LAMC3: variants seen among roughly 807,000 people sequenced by gnomAD.
The protein encoded by LAMC3 is laminin subunit gamma 3.
LAMC3 carries 128 observed loss-of-function variants against 173.8 expected under a neutral mutation model. The ratio of observed to expected loss-of-function variants is 0.74; its 90% CI spans 0.64 to 0.85. LAMC3 has a LOEUF of 0.85. Among genes scored for constraint, LAMC3 ranks in the 40% least tolerant of loss-of-function variants. The probability of loss-of-function intolerance (pLI) is 0.00; values close to 1 mark genes in which losing one functional copy is unlikely to be tolerated. For synonymous variants in LAMC3, 897 were observed against 909.1 expected (o/e 0.99, Z 0.24); for missense variants, 2,022 against 2,156.0 (o/e 0.94, Z 1.23).
chr9:131,066,867 A>C, intron 13 of LAMC3, 93 bp from the exon 14 acceptor site: 2 of 1,514,602 alleles, frequency 1.3e-6, no homozygotes, highest in Non-Finnish European at 1.8e-6. Flanking sequence ...GCTCCGGGGA[A>C]GGTGGAGGGA....
chr9:131,036,474 A>G, intron 4 of LAMC3, 142 bp downstream of exon 4: 1 of 926,416 alleles, frequency 1.1e-6, no homozygotes, highest in African/African-American at 1.6e-5. Context: ...TGCTGCAGAG[A>G]TAAGGACGAG....
chr9:131,032,517 TCTTG>T (rs1432228875), intron 3 of LAMC3, among the ~76,000 whole-genome samples: 82 of 149,818 alleles, frequency 5.5e-4, no homozygotes, highest in African/African-American at 2.0e-3. Flanking sequence ...GCTCTCTCTC[TCTTG>T]CTCTCTCTCG....
rs577578086 is a variant in LAMC3 at position 131,051,928 on chromosome 9, C to T, written c.1631-563C>T. ...TGAAATGACATGAGTCAGAAGGTAC[C>T]GCACAGCGCTTGGTGGTTCGTGTCT... On this transcript the variant is annotated intron_variant, in intron 9 of 27. Coordinates refer to ENST00000361069, the MANE Select transcript of LAMC3 (RefSeq NM_006059.4). Among the ~76,000 whole-genome samples, 1,007 of 152,244 alleles carry T rather than the reference C, an allele frequency of 6.6e-3. 10 individuals carry two copies. Among genetic ancestry groups the T allele is most frequent in the Non-Finnish European group, 8.0e-3 (544 of 68,016 alleles).
chr9:131,065,113 G>A (rs1245814584), intron 13 of LAMC3, among the ~76,000 whole-genome samples: 1 of 152,012 alleles, frequency 6.6e-6, no homozygotes, highest in African/African-American at 2.4e-5. Context: ...CACCTCCAGG[G>A]GACCATGGCT....
intron 1 of LAMC3, chr9:131,021,068 C>T (rs537762043): frequency 6.6e-6 from 1 of 152,302 alleles, no homozygotes; most frequent in South Asian, 2.1e-4. Flanking sequence ...CAACACTTCT[C>T]GTGTAAACTC....
chr9:131,044,504 C>T (rs558067780), intron 7 of LAMC3, among the ~76,000 whole-genome samples: 6 of 152,140 alleles, frequency 3.9e-5, no homozygotes, highest in African/African-American at 9.6e-5. Context: ...AGCGAGACTT[C>T]GTCTCAAAAA....
At chr9:131,071,204 G>A (rs1830030493) in intron 17 of LAMC3, among the ~76,000 whole-genome samples, 1 of 152,188 alleles carries the variant, frequency 6.6e-6, no homozygotes, top group African/African-American at 2.4e-5. Flanking sequence ...TCCTCGTGGG[G>A]CATCCCTCCC....
At position 131,055,600 on chromosome 9, in the gene LAMC3, AT is replaced by A. The variant is rs372515166; in HGVS notation, c.1940-1323del. 9.0e-3 allele frequency among the ~76,000 whole-genome samples: 1,335 copies of A among 148,544 alleles called. 22 individuals are homozygous for A. Among genetic ancestry groups the A allele is most frequent in the African/African-American group, 0.031 (1,248 of 40,424 alleles). On this transcript the variant is annotated intron_variant, in intron 11 of 27. Transcript: ENST00000361069. ...CCACCACGCCCGGCTAATTTTTTGT[AT>A]TTTTTAGTAGAGACGGGGTTTCACC...
intron 2 of LAMC3, among the ~76,000 whole-genome samples, chr9:131,030,683 C>T (rs1396037468): frequency 3.9e-5 from 6 of 152,244 alleles, no homozygotes; most frequent in African/African-American, 7.2e-5. Context: ...TGTCAGTAGC[C>T]GCCGCACCTC....
intron 4 of LAMC3, 40 bp from the exon 5 acceptor site, chr9:131,038,824 C>G: frequency 1.2e-6 from 2 of 1,600,482 alleles, no homozygotes; most frequent in Non-Finnish European, 1.7e-6. Context: ...CCTACCACAT[C>G]ACAGGGGACT....
chr9:131,077,104 A>G, intron 21 of LAMC3, 83 bp from the exon 22 acceptor site: 1 of 1,589,880 alleles, frequency 6.3e-7, no homozygotes, highest in Non-Finnish European at 8.6e-7. Context: ...GCCTTTGCAA[A>G]CCAGTGGCTC....
At chr9:131,076,834 G>A (rs188472735) in intron 21 of LAMC3, among the ~76,000 whole-genome samples, 183 of 152,306 alleles carry the variant, frequency 1.2e-3, no homozygotes, top group African/African-American at 4.0e-3. Flanking sequence ...GACCGGGGCC[G>A]CTGTGCTCCC....
chr9:131,015,486 G>A (rs1433443763), intron 1 of LAMC3, among the ~76,000 whole-genome samples: 1 of 152,038 alleles, frequency 6.6e-6, no homozygotes, highest in African/African-American at 2.4e-5. Context: ...TTGAATCATA[G>A]TCGACATCCA....
intron 20 of LAMC3, among the ~76,000 whole-genome samples, chr9:131,075,353 C>T (rs975387748): frequency 2.6e-5 from 4 of 152,120 alleles, no homozygotes; most frequent in Admixed American, 6.6e-5. Context: ...GTGGGTGGAT[C>T]GCCTGAGGAC....
At chr9:131,051,545 A>G (rs113927852) in intron 9 of LAMC3, among the ~76,000 whole-genome samples, 2,762 of 151,854 alleles carry the variant, frequency 0.018, 75 homozygotes, top group African/African-American at 0.062. Flanking sequence ...TTGTATTTTT[A>G]CTAGAGATGG....
At chr9:131,012,504 G>A (rs1296844220) in intron 1 of LAMC3, among the ~76,000 whole-genome samples, 4 of 152,340 alleles carry the variant, frequency 2.6e-5, no homozygotes, top group South Asian at 2.1e-4. Context: ...TGCTCGTCCC[G>A]GCCGCCCTGC....
At position 131,045,523 on chromosome 9, in the gene LAMC3, G is replaced by T; in HGVS notation, c.1383-1G>T. The T allele has an allele frequency of 6.2e-7, 1 of 1,613,476 alleles. No individual in the cohort carries two copies. The highest frequency in any genetic ancestry group is 8.5e-7 in the Non-Finnish European group (1 of 1,180,032). ...GTGGGCATGTCCTGCCTCCATTTCA[G>T]ATGTCGCCCGGGGACCTTTAACCTG... On this transcript the variant is annotated splice_acceptor_variant, in intron 7 of 27. Transcript: ENST00000361069. LOFTEE classifies it high-confidence loss of function.
chr9:131,077,087 G>T, intron 21 of LAMC3, 100 bp from the exon 22 acceptor site: 1 of 1,514,482 alleles, frequency 6.6e-7, no homozygotes, highest in Non-Finnish European at 9.1e-7. Context: ...CTGGGAAGTT[G>T]GCAGAGGCCT....
In LAMC3 at chr9:131,039,053, G is replaced by A; in HGVS notation, c.1165+1G>A. 2 of 1,613,166 alleles carry A rather than the reference G, an allele frequency of 1.2e-6. No homozygotes were observed. On this transcript the variant is annotated splice_donor_variant, in intron 5 of 27. Coordinates refer to ENST00000361069, the MANE Select transcript of LAMC3 (RefSeq NM_006059.4). LOFTEE classifies it high-confidence loss of function. ...CAGCCCTGTGACTGCCAGTCGGCAG[G>A]TGAGTGGACTCCACATCCCCAGCCT...
Sources: allele counts gnomAD v4.1 joint callset (sites outside exome capture counted in the v4.1 genomes callset), GRCh38; gene constraint gnomAD v4.1.1; transcripts MANE v1.5; gene names NCBI Gene and HGNC (gene_info 2026-07-23, HGNC 2026-07-21).